The following GNPTAB variants were observed in gnomAD, a reference collection of about 807,000 sequenced individuals.
GNPTAB encodes N-acetylglucosamine-1-phosphate transferase subunits alpha and beta.
GNPTAB carries 92 observed loss-of-function variants against 136.6 expected under a neutral mutation model. The ratio of observed to expected loss-of-function variants is 0.67; its 90% CI spans 0.57 to 0.80. The LOEUF (loss-of-function observed/expected upper bound fraction) is 0.80. GNPTAB is among the 30% of genes least tolerant of loss of function. The pLI is 0.00. For synonymous variants in GNPTAB, 512 were observed against 535.1 expected, an observed-to-expected ratio of 0.96 and a Z score of 0.60; for missense variants, 1,343 against 1,501.8, an observed-to-expected ratio of 0.89 and a Z score of 1.75.
At chr12:101,817,752 G>A (rs1404354172) in intron 1 of GNPTAB, among the ~76,000 whole-genome samples, 2 of 152,106 alleles carry the variant, frequency 1.3e-5, no homozygotes, top group Non-Finnish European at 2.9e-5. Flanking sequence ...TTGAGCCCAG[G>A]AGTTCAAGAC....
At chr12:101,786,318 C>A in intron 4 of GNPTAB, 101 bp from the exon 5 acceptor site, 1 of 880,070 alleles carries the variant, frequency 1.1e-6, no homozygotes, top group Non-Finnish European at 1.8e-6. Context: ...TTTTATAGCC[C>A]ATAAAAAATG....
intron 2 of GNPTAB, 35 bp downstream of exon 2, chr12:101,796,642 G>C (rs1869309451): frequency 7.3e-7 from 1 of 1,371,304 alleles, no homozygotes. Context: ...TACGATTTAG[G>C]TCCAAATAAT....
chr12:101,794,592 T>C (rs1023688849), intron 2 of GNPTAB, among the ~76,000 whole-genome samples: 1 of 152,210 alleles, frequency 6.6e-6, no homozygotes, highest in African/African-American at 2.4e-5. Flanking sequence ...ATGTGAAATG[T>C]TATATATGAT....
intron 1 of GNPTAB, among the ~76,000 whole-genome samples, chr12:101,824,405 C>CATATATATATATATATATAT (rs373112951): frequency 2.5e-3 from 118 of 47,786 alleles, no homozygotes; most frequent in East Asian, 0.017. Context: ...GAAATTTCAC[C>CATATATATATATATATATAT]ATATATATAT....
intron 7 of GNPTAB, chr12:101,773,514 G>C (rs1953214340): frequency 6.2e-6 from 1 of 161,634 alleles, no homozygotes; most frequent in African/African-American, 2.4e-5. Context: ...GGTGTGTCTA[G>C]TTTAATTTCA....
intron 1 of GNPTAB, among the ~76,000 whole-genome samples, chr12:101,804,000 G>T (rs982943020): frequency 1.6e-4 from 24 of 152,056 alleles, no homozygotes; most frequent in African/African-American, 5.6e-4. Context: ...GGGAGGCCGA[G>T]GTGGGAGGAT....
intron 13 of GNPTAB, 74 bp downstream of exon 13, chr12:101,764,128 A>T (rs1035215347): frequency 3.5e-5 from 56 of 1,592,698 alleles, no homozygotes; most frequent in Non-Finnish European, 4.6e-5. Context: ...AATAAATGGT[A>T]GCTATAATGA....
chr12:101,759,415 A>G (rs1230653426), intron 16 of GNPTAB, among the ~76,000 whole-genome samples: 2 of 148,234 alleles, frequency 1.3e-5, no homozygotes, highest in African/African-American at 5.1e-5. Flanking sequence ...CTGAAAATAA[A>G]GCTTAAAAAA....
intron 18 of GNPTAB, among the ~76,000 whole-genome samples, chr12:101,754,152 C>T (rs1594204769): frequency 6.6e-6 from 1 of 152,054 alleles, no homozygotes; most frequent in East Asian, 1.9e-4. Flanking sequence ...GAAGGCCATG[C>T]ATGGTGGCTC....
intron 13 of GNPTAB, among the ~76,000 whole-genome samples, chr12:101,763,565 C>T (rs965182802): frequency 6.6e-6 from 1 of 152,150 alleles, no homozygotes; most frequent in Admixed American, 6.5e-5. Flanking sequence ...TCCCTCTGAA[C>T]TTCTTGCCCA....
chr12:101,758,475 C>T (rs1001410570), intron 16 of GNPTAB, among the ~76,000 whole-genome samples: 5 of 152,244 alleles, frequency 3.3e-5, no homozygotes, highest in African/African-American at 1.2e-4. Context: ...GTGCCCAGCC[C>T]TAGTCTCATT....
At chr12:101,775,976 C>T (rs1357274577) in intron 7 of GNPTAB, among the ~76,000 whole-genome samples, 1 of 152,176 alleles carries the variant, frequency 6.6e-6, no homozygotes, top group Non-Finnish European at 1.5e-5. Flanking sequence ...CAGCCTCTTT[C>T]TCTTTGAAAA....
intron 2 of GNPTAB, among the ~76,000 whole-genome samples, chr12:101,795,317 C>T (rs1869215475): frequency 6.6e-6 from 1 of 152,150 alleles, no homozygotes; most frequent in South Asian, 2.1e-4. Context: ...AGGAATGGTC[C>T]TCAAACTTTT....
At chr12:101,787,697 T>A (rs1285700676) in intron 4 of GNPTAB, among the ~76,000 whole-genome samples, 1 of 152,090 alleles carries the variant, frequency 6.6e-6, no homozygotes, top group African/African-American at 2.4e-5. Context: ...GCGGATCACC[T>A]GAGGTCGGGA....
chr12:101,769,988 C>T (rs73163771), intron 10 of GNPTAB, 33 bp downstream of exon 10: 112 of 1,603,908 alleles, frequency 7.0e-5, no homozygotes, highest in South Asian at 1.1e-4. Flanking sequence ...GTGACTTCCA[C>T]GCTAGACAAC....
intron 11 of GNPTAB, among the ~76,000 whole-genome samples, chr12:101,767,193 A>T (rs777455170): frequency 4.6e-5 from 7 of 151,256 alleles, no homozygotes; most frequent in South Asian, 2.1e-4. Context: ...GTACATACTT[A>T]CTCTCTCTCT....
At chr12:101,796,132 T>C (rs1869267860) in intron 2 of GNPTAB, 1 of 677,668 alleles carries the variant, frequency 1.5e-6, no homozygotes, top group Non-Finnish European at 2.7e-6. Flanking sequence ...GCCCCAGTGG[T>C]TTACTGGGGA....
In GNPTAB at chr12:101,757,457, C is replaced by G; in HGVS notation, c.3335+115G>C. Reference sequence around the variant, plus strand: ...TTTTAATACTACTACAGCAAACAATCTCATATAAATTTTAGAACAGTGCTT... The same window carrying G: ...TTTTAATACTACTACAGCAAACAATGTCATATAAATTTTAGAACAGTGCTT... On this transcript the variant is annotated intron_variant, in intron 17 of 20. Transcript: ENST00000299314. 12 of 773,336 alleles carry G rather than the reference C, an allele frequency of 1.6e-5. 1 individual carries two copies. In the South Asian group the frequency reaches 1.7e-4, roughly 11 times the overall value. 47.9% of individuals were successfully genotyped at this position (773,336 alleles called of 1,614,324 possible). A position where few individuals can be genotyped will look rare whatever the true frequency, so the allele number is the denominator to read the frequency against.
At chr12:101,818,066 T>C (rs1870596658) in intron 1 of GNPTAB, among the ~76,000 whole-genome samples, 1 of 152,246 alleles carries the variant, frequency 6.6e-6, no homozygotes, top group African/African-American at 2.4e-5. Flanking sequence ...TTCGGCTTCA[T>C]TCCCCTGTCA....
Sources: allele counts gnomAD v4.1 joint callset (sites outside exome capture counted in the v4.1 genomes callset), GRCh38; gene constraint gnomAD v4.1.1; transcripts MANE v1.5; gene names NCBI Gene and HGNC (gene_info 2026-07-23, HGNC 2026-07-21).